Variants in PRKG2 observed in about 807,000 individuals in gnomAD.
PRKG2 encodes cGMP-dependent protein kinase 2.
Under a neutral mutation model 97.2 loss-of-function variants are expected in PRKG2, and 33 were observed. That is an observed-to-expected ratio of 0.34 (90% CI 0.26 to 0.45). PRKG2 has a LOEUF of 0.45. Ranked by LOEUF, PRKG2 falls within the 20% of genes least tolerant of loss-of-function variation. The pLI is 1.00. For missense variants in PRKG2, 638 were observed against 900.0 expected (o/e 0.71, Z 3.73); for synonymous variants, 330 against 321.8 (o/e 1.03, Z -0.27).
intron 6 of PRKG2, among the ~76,000 whole-genome samples, chr4:81,155,227 G>A (rs1294626945): frequency 6.7e-6 from 1 of 150,368 alleles, no homozygotes; most frequent in Non-Finnish European, 1.5e-5. Flanking sequence ...ATACAGAAAA[G>A]TGCTTAAAGG....
At chr4:81,134,952 A>G (rs1746529293) in intron 14 of PRKG2, among the ~76,000 whole-genome samples, 1 of 152,204 alleles carries the variant, frequency 6.6e-6, no homozygotes. Flanking sequence ...AGGAGTCACA[A>G]ATATGGTTAA....
intron 2 of PRKG2, among the ~76,000 whole-genome samples, chr4:81,202,625 A>C (rs1236055022): frequency 4.6e-5 from 7 of 152,144 alleles, no homozygotes; most frequent in Non-Finnish European, 8.8e-5. Flanking sequence ...TGAGGAGAAT[A>C]ATCAATAATC....
chr4:81,166,736 C>T (rs1400106468), intron 6 of PRKG2, among the ~76,000 whole-genome samples: 2 of 152,080 alleles, frequency 1.3e-5, no homozygotes, highest in Non-Finnish European at 2.9e-5. Flanking sequence ...CACAGCCTGA[C>T]TCAGAGGCTT....
intron 14 of PRKG2, among the ~76,000 whole-genome samples, chr4:81,114,812 C>T (rs952375715): frequency 1.3e-5 from 2 of 151,918 alleles, no homozygotes; most frequent in African/African-American, 2.4e-5. Context: ...TTGTGTTCAC[C>T]GTTTGCTTGC....
At chr4:81,197,281 G>C (rs1753019268) in intron 2 of PRKG2, among the ~76,000 whole-genome samples, 1 of 152,130 alleles carries the variant, frequency 6.6e-6, no homozygotes, top group Non-Finnish European at 1.5e-5. Flanking sequence ...AAAAAAAAAG[G>C]GTCAAAAGGA....
At chr4:81,128,345 T>A (rs969682955) in intron 14 of PRKG2, among the ~76,000 whole-genome samples, 1 of 152,192 alleles carries the variant, frequency 6.6e-6, no homozygotes, top group Non-Finnish European at 1.5e-5. Context: ...GCTGGCCTCA[T>A]AAAATGAGTT....
At chr4:81,099,492 G>A (rs932435747) in intron 17 of PRKG2, among the ~76,000 whole-genome samples, 1 of 151,690 alleles carries the variant, frequency 6.6e-6, no homozygotes, top group Non-Finnish European at 1.5e-5. Context: ...TGCAGAAAAG[G>A]CCTTTGACAA....
intron 5 of PRKG2, 45 bp downstream of exon 5, chr4:81,169,618 T>C (rs373771027): frequency 1.5e-6 from 2 of 1,326,024 alleles, no homozygotes; most frequent in Non-Finnish European, 2.1e-6. Context: ...ATTCACAATA[T>C]GGCGACTCCA....
At chr4:81,092,240 C>T (rs993104308) in intron 18 of PRKG2, 146 bp downstream of exon 18, 3 of 508,960 alleles carry the variant, frequency 5.9e-6, no homozygotes, top group Non-Finnish European at 1.0e-5. Context: ...AATTATAAGA[C>T]AAACTCACTT....
At chr4:81,093,743 G>T (rs1741838702) in intron 17 of PRKG2, among the ~76,000 whole-genome samples, 1 of 152,094 alleles carries the variant, frequency 6.6e-6, no homozygotes, top group Non-Finnish European at 1.5e-5. Flanking sequence ...ATCTAAAAGG[G>T]CTGATCTGAT....
At chr4:81,124,173 AAGAC>A (rs1482396593) in intron 14 of PRKG2, among the ~76,000 whole-genome samples, 7 of 152,264 alleles carry the variant, frequency 4.6e-5, no homozygotes, top group African/African-American at 1.7e-4. Flanking sequence ...CCCTTTCTGA[AAGAC>A]AGTTTCCCTG....
At chr4:81,211,357 A>G (rs1753963304) in intron 1 of PRKG2, among the ~76,000 whole-genome samples, 1 of 152,224 alleles carries the variant, frequency 6.6e-6, no homozygotes. Context: ...TAGAAAGTCT[A>G]TTAGTTTAAG....
At chr4:81,105,651 C>T (rs1370331423) in intron 16 of PRKG2, among the ~76,000 whole-genome samples, 162 bp downstream of exon 16, 2 of 151,886 alleles carry the variant, frequency 1.3e-5, no homozygotes, top group African/African-American at 4.8e-5. Flanking sequence ...CAACTAAAAC[C>T]CCCTACACTG....
intron 12 of PRKG2, among the ~76,000 whole-genome samples, chr4:81,139,207 C>T (rs1747009042): frequency 6.6e-6 from 1 of 152,060 alleles, no homozygotes; most frequent in Non-Finnish European, 1.5e-5. Context: ...TGTTTTGGTA[C>T]CTAGCTACTA....
chr4:81,180,682 G>A (rs920787029), intron 2 of PRKG2, among the ~76,000 whole-genome samples: 1 of 152,104 alleles, frequency 6.6e-6, no homozygotes, highest in African/African-American at 2.4e-5. Flanking sequence ...GATTCTGGGA[G>A]ATTTTAACAC....
chr4:81,214,690 A>T (rs1004195154), intron 1 of PRKG2, among the ~76,000 whole-genome samples: 1 of 152,112 alleles, frequency 6.6e-6, no homozygotes, highest in African/African-American at 2.4e-5. Context: ...CGCCCTCAAC[A>T]GAACCTCTAA....
intron 2 of PRKG2, 41 bp downstream of exon 2, chr4:81,204,546 A>T (rs769804701): frequency 2.1e-5 from 32 of 1,539,120 alleles, no homozygotes; most frequent in Non-Finnish European, 2.8e-5. Flanking sequence ...ATTTCACAAT[A>T]TTAAGCCCAT....
chr4:81,097,422 C>A (rs1453337398), intron 17 of PRKG2, among the ~76,000 whole-genome samples: 3 of 152,120 alleles, frequency 2.0e-5, no homozygotes, highest in African/African-American at 7.2e-5. Flanking sequence ...AAAGCACCGG[C>A]AGAGTAGATT....
At chr4:81,089,885 A>G in intron 18 of PRKG2, 82 bp from the exon 19 acceptor site, 1 of 1,155,250 alleles carries the variant, frequency 8.7e-7, no homozygotes, top group Admixed American at 2.1e-5. Flanking sequence ...TTTTTATTTC[A>G]GAACACTGAT....
Sources: allele counts gnomAD v4.1 joint callset (sites outside exome capture counted in the v4.1 genomes callset), GRCh38; gene constraint gnomAD v4.1.1; transcripts MANE v1.5; gene names NCBI Gene and HGNC (gene_info 2026-07-23, HGNC 2026-07-21).